TRIM37: variants seen among roughly 807,000 people sequenced by gnomAD.
TRIM37 encodes E3 ubiquitin-protein ligase TRIM37.
A neutral mutation model predicts 129.8 loss-of-function variants in TRIM37; 80 were observed. The ratio of observed to expected loss-of-function variants is 0.62; its 90% confidence interval spans 0.51 to 0.74. The LOEUF is 0.74. TRIM37 is among the 30% of genes least tolerant of loss of function. TRIM37 has a pLI of 0.00. For missense variants in TRIM37, 1,054 were observed against 1,176.5 expected, an observed-to-expected ratio of 0.90 and a Z score of 1.52; for synonymous variants, 389 against 387.1, an observed-to-expected ratio of 1.00 and a Z score of -0.06.
intron 19 of TRIM37, among the ~76,000 whole-genome samples, chr17:59,022,006 T>C (rs1295269118): frequency 6.6e-6 from 1 of 152,156 alleles, no homozygotes; most frequent in African/African-American, 2.4e-5. Context: ...GTTACTATAC[T>C]AGTTTTATGA....
chr17:59,018,423 A>G (rs1377504495), intron 19 of TRIM37, among the ~76,000 whole-genome samples: 1 of 152,250 alleles, frequency 6.6e-6, no homozygotes, highest in Non-Finnish European at 1.5e-5. Context: ...GTTGCAGGAT[A>G]TAAGACAAAA....
chr17:59,047,550 G>T, intron 16 of TRIM37, 133 bp downstream of exon 16: 1 of 897,538 alleles, frequency 1.1e-6, no homozygotes, highest in Non-Finnish European at 1.7e-6. Context: ...CCAGAGATTA[G>T]AGAGAGAAAA....
At chr17:59,012,481 A>G in intron 21 of TRIM37, 35 bp from the exon 22 acceptor site, 1 of 1,320,352 alleles carries the variant, frequency 7.6e-7, no homozygotes, top group South Asian at 1.2e-5. Flanking sequence ...TTTCTCTATA[A>G]CTAGTGACAC....
At chr17:59,088,750 TC>T (rs1215743807) in intron 3 of TRIM37, among the ~76,000 whole-genome samples, 1 of 151,714 alleles carries the variant, frequency 6.6e-6, no homozygotes, top group Non-Finnish European at 1.5e-5. Context: ...ACTCCTGGCC[TC>T]CAGTGATCCT....
chr17:58,998,329 A>G lies in TRIM37; in HGVS notation c.*1048T>C. ...CAATATTCACTAAGTAAAATACAGCAGATGAGATGTCTCTCACATGTATAT... is the reference window on the plus strand; with the variant it reads ...CAATATTCACTAAGTAAAATACAGCGGATGAGATGTCTCTCACATGTATAT... On this transcript the variant is annotated 3_prime_UTR_variant, in exon 24 of 24. Coordinates refer to ENST00000262294, the MANE Select transcript of TRIM37 (RefSeq NM_015294.6). The G allele has an allele frequency of 1.0e-6, 1 of 985,408 alleles. No homozygotes were observed. The highest frequency in any genetic ancestry group is 1.2e-6 in the Non-Finnish European group (1 of 829,866). The allele number at this position is 985,408 out of a possible 1,614,324, so 61.0% of individuals were successfully genotyped here. A position where few individuals can be genotyped will look rare whatever the true frequency, so the allele number is the denominator to read the frequency against.
intron 5 of TRIM37, among the ~76,000 whole-genome samples, chr17:59,083,360 C>T (rs1407367389): frequency 1.3e-5 from 2 of 151,836 alleles, no homozygotes; most frequent in East Asian, 1.9e-4. Context: ...ATCACTTGAA[C>T]CCGGGAGGCG....
chr17:59,028,037 A>G (rs534519560), intron 19 of TRIM37, among the ~76,000 whole-genome samples: 1 of 152,216 alleles, frequency 6.6e-6, no homozygotes, highest in African/African-American at 2.4e-5. Context: ...GACTACCCCA[A>G]TAGAACATGT....
Position 59,049,207 on chromosome 17 carries a change from C to T in TRIM37, c.1501G>A (p.Glu501Lys), listed in dbSNP as rs968267355. 8.1e-6 allele frequency: 13 copies of T among 1,614,072 alleles called. No individual in the cohort carries two copies. The highest frequency in any genetic ancestry group is 1.1e-5 in the Non-Finnish European group (13 of 1,180,008). ...VREAKEDEED[E>K]EKIQNEDYHH... Reference sequence around the variant, plus strand: ...TAATCTTCATTCTGAATCTTCTCCTCATCTTCTTCATCCTCTTTGGCCTCT... The same window carrying T: ...TAATCTTCATTCTGAATCTTCTCCTTATCTTCTTCATCCTCTTTGGCCTCT... The change falls in exon 15 of 24, where the codon GAG (glutamate) becomes AAG (lysine). Residue 501 changes from glutamate to lysine, a missense_variant. Glu to Lys is a moderately conservative substitution (Grantham distance 56). This residue lies in a region of TRIM37 where 752 missense variants were observed against 870.8 expected (regional missense o/e 0.86). Coordinates refer to ENST00000262294, the MANE Select transcript of TRIM37 (RefSeq NM_015294.6).
the TRIM37 span, chr17:58,969,774 C>A: frequency 6.4e-7 from 1 of 1,572,934 alleles, no homozygotes; most frequent in Non-Finnish European, 8.7e-7. Context: ...ACTAGCTGAG[C>A]TCAATTTGGT....
chr17:59,056,619 A>G (rs1369955881), intron 13 of TRIM37, among the ~76,000 whole-genome samples: 1 of 142,546 alleles, frequency 7.0e-6, no homozygotes, highest in Admixed American at 7.6e-5. Flanking sequence ...AGTCCCAGCT[A>G]CTCGGGAGGC....
At chr17:59,010,772 C>T (rs1236580610) in intron 22 of TRIM37, among the ~76,000 whole-genome samples, 1 of 152,142 alleles carries the variant, frequency 6.6e-6, no homozygotes, top group Non-Finnish European at 1.5e-5. Flanking sequence ...GGATTACAGG[C>T]ATGAGCCACT....
At chr17:59,049,925 A>C (rs1175758033) in intron 14 of TRIM37, among the ~76,000 whole-genome samples, 1 of 152,228 alleles carries the variant, frequency 6.6e-6, no homozygotes. Flanking sequence ...CTAAACATAC[A>C]ATTAGCAAAC....
intron 22 of TRIM37, among the ~76,000 whole-genome samples, chr17:59,005,340 A>T (rs2034346563): frequency 6.6e-6 from 1 of 151,860 alleles, no homozygotes; most frequent in Admixed American, 6.6e-5. Context: ...TTGGCGTGCC[A>T]CTGCGTGATC....
At chr17:58,967,564 G>A in the TRIM37 span, among the ~76,000 whole-genome samples, 17 of 151,514 alleles carry the variant, frequency 1.1e-4, no homozygotes, top group Non-Finnish European at 1.6e-4. Flanking sequence ...GGTTATCTGT[G>A]TATGGTGGAA....
chr17:59,080,473 A>G (rs2043160879), intron 6 of TRIM37, among the ~76,000 whole-genome samples: 2 of 152,192 alleles, frequency 1.3e-5, no homozygotes, highest in African/African-American at 4.8e-5. Context: ...AATGACTGTA[A>G]AAGTCAATAC....
In TRIM37 at chr17:59,056,717, A is replaced by AAAAAG. The variant is rs2040939742; in HGVS notation, c.1199+157_1199+158insCTTTT. On this transcript the variant is annotated intron_variant, in intron 13 of 23. Transcript: ENST00000262294. ...GGCGACAGAGCGAGACTATGTCTCC[A>AAAAAG]AAAAAAAAAAAAAAAAAAAAAAAAA... Among the ~76,000 whole-genome samples, 3 of 54,800 alleles carry AAAAAG rather than the reference A, an allele frequency of 5.5e-5. 1 individual carries two copies. The highest frequency in any genetic ancestry group is 3.9e-4 in the Admixed American group (2 of 5,074). 36.0% of individuals were successfully genotyped at this position (54,800 alleles called of 152,430 possible). A position where few individuals can be genotyped will look rare whatever the true frequency, so the allele number is the denominator to read the frequency against.
chr17:59,028,680 T>G lies in TRIM37; in HGVS notation c.1992A>C (p.Ala664=). Residue 664 remains alanine, a synonymous_variant, in exon 19 of 24, where the codon GCA becomes GCC. Coordinates refer to ENST00000262294, the MANE Select transcript of TRIM37 (RefSeq NM_015294.6). ...TTAAATCAGAGGGCACTCGCCACAT[T>G]GCCTGTTGCTTCCTTTGGTCTTTAT... ...RKDKDQRKQQ[A]MWRVPSDLKM... 3 of 1,614,234 alleles carry G rather than the reference T, an allele frequency of 1.9e-6. No homozygotes were observed. The highest frequency in any genetic ancestry group is 2.5e-6 in the Non-Finnish European group (3 of 1,180,038).
chr17:59,005,097 CTA>C (rs1348177060), intron 22 of TRIM37, among the ~76,000 whole-genome samples: 1 of 152,146 alleles, frequency 6.6e-6, no homozygotes, highest in African/African-American at 2.4e-5. Flanking sequence ...GCTGAAAACA[CTA>C]AAACACACTG....
At chr17:59,071,488 T>C (rs541698197) in intron 8 of TRIM37, among the ~76,000 whole-genome samples, 65 of 152,226 alleles carry the variant, frequency 4.3e-4, no homozygotes, top group Non-Finnish European at 7.2e-4. Flanking sequence ...GGTTTCTCCA[T>C]GTTGGTCACA....
Sources: allele counts gnomAD v4.1 joint callset (sites outside exome capture counted in the v4.1 genomes callset), GRCh38; gene constraint gnomAD v4.1.1; regional missense constraint gnomAD v4.1.1; transcripts MANE v1.5; gene names NCBI Gene and HGNC (gene_info 2026-07-23, HGNC 2026-07-21).